SLIT3: variants seen among roughly 807,000 people sequenced by gnomAD.
SLIT3 encodes slit homolog 3 protein.
In SLIT3, 68 loss-of-function variants were observed where a neutral mutation model predicts 184.0. That is an observed-to-expected ratio of 0.37 (90% CI 0.30 to 0.45). SLIT3 has a LOEUF of 0.45. Ranked by LOEUF, SLIT3 falls within the 20% of genes least tolerant of loss-of-function variation. The probability of loss-of-function intolerance (pLI) is 1.00; values close to 1 mark genes in which losing one functional copy is unlikely to be tolerated. For synonymous variants in SLIT3, 831 were observed against 828.6 expected, an observed-to-expected ratio of 1.00 and a Z score of -0.05; for missense variants, 1,707 against 2,026.0, an observed-to-expected ratio of 0.84 and a Z score of 3.02.
At chr5:169,257,161 C>A (rs147970998) in intron 1 of SLIT3, among the ~76,000 whole-genome samples, 5 of 152,152 alleles carry the variant, frequency 3.3e-5, no homozygotes, top group Non-Finnish European at 7.4e-5. Flanking sequence ...ATTCTCATCA[C>A]GATTACAGGA....
At chr5:169,019,144 G>A (rs1274340674) in intron 4 of SLIT3, among the ~76,000 whole-genome samples, 1 of 152,242 alleles carries the variant, frequency 6.6e-6, no homozygotes, top group East Asian at 1.9e-4. Flanking sequence ...ATGGCACTCA[G>A]AATTGGGATC....
chr5:168,678,850 A>G (rs77930656), intron 32 of SLIT3, among the ~76,000 whole-genome samples: 16 of 152,294 alleles, frequency 1.1e-4, no homozygotes, highest in East Asian at 9.6e-4. Flanking sequence ...CCAAGCCCCA[A>G]TGATTAGTCT....
intron 4 of SLIT3, among the ~76,000 whole-genome samples, chr5:169,186,310 G>A (rs1422878851): frequency 1.3e-5 from 2 of 152,200 alleles, no homozygotes; most frequent in Non-Finnish European, 2.9e-5. Context: ...GCACAACCAC[G>A]TGAGGAGGCA....
chr5:169,163,163 A>C (rs1311638421), intron 4 of SLIT3, among the ~76,000 whole-genome samples: 1 of 152,154 alleles, frequency 6.6e-6, no homozygotes, highest in Non-Finnish European at 1.5e-5. Context: ...TCTACTAAAA[A>C]TACAAAAATT....
At chr5:169,118,369 T>C (rs1479779726) in intron 4 of SLIT3, among the ~76,000 whole-genome samples, 1 of 152,238 alleles carries the variant, frequency 6.6e-6, no homozygotes, top group Non-Finnish European at 1.5e-5. Flanking sequence ...TGGTTGGTCA[T>C]CTTCTTGAAC....
intron 20 of SLIT3, among the ~76,000 whole-genome samples, chr5:168,729,947 A>C (rs1763244669): frequency 6.6e-6 from 1 of 152,132 alleles, no homozygotes; most frequent in African/African-American, 2.4e-5. Flanking sequence ...ATAAAGAAAC[A>C]TGATCCAACT....
chr5:168,714,339 T>A (rs1762651219), intron 23 of SLIT3, among the ~76,000 whole-genome samples: 1 of 152,220 alleles, frequency 6.6e-6, no homozygotes, highest in African/African-American at 2.4e-5. Flanking sequence ...TGGAGAGGCA[T>A]GAGGCCTAAC....
At chr5:169,292,535 G>T (rs1767391288) in intron 1 of SLIT3, among the ~76,000 whole-genome samples, 1 of 152,136 alleles carries the variant, frequency 6.6e-6, no homozygotes. Context: ...CAGCCGGAAA[G>T]AACGGGGCAA....
intron 4 of SLIT3, among the ~76,000 whole-genome samples, chr5:168,972,787 G>T (rs970970006): frequency 2.0e-5 from 3 of 152,026 alleles, no homozygotes; most frequent in African/African-American, 7.3e-5. Context: ...CTCACATTGG[G>T]TGTGAGAAGC....
At chr5:169,086,176 G>A (rs961706035) in intron 4 of SLIT3, among the ~76,000 whole-genome samples, 25 of 152,260 alleles carry the variant, frequency 1.6e-4, no homozygotes, top group Admixed American at 9.2e-4. Flanking sequence ...TTTTAAGAGC[G>A]TAGAGGGTTA....
chr5:168,833,853 C>T (rs960443764), intron 6 of SLIT3, among the ~76,000 whole-genome samples: 1 of 152,114 alleles, frequency 6.6e-6, no homozygotes, highest in Non-Finnish European at 1.5e-5. Flanking sequence ...GTGGTGGAAC[C>T]AGCTGACCTC....
intron 4 of SLIT3, among the ~76,000 whole-genome samples, chr5:169,137,307 C>CAT (rs1219816501): frequency 1.6e-3 from 201 of 128,884 alleles, no homozygotes; most frequent in African/African-American, 6.8e-3. Flanking sequence ...TATCTACATA[C>CAT]ACACACACAC....
intron 1 of SLIT3, among the ~76,000 whole-genome samples, chr5:169,291,570 C>T (rs915671306): frequency 6.6e-6 from 1 of 152,194 alleles, no homozygotes; most frequent in Non-Finnish European, 1.5e-5. Context: ...CGCTCCAATA[C>T]AAAGGCCACC....
At chr5:168,688,926 A>G (rs148137253) in intron 29 of SLIT3, among the ~76,000 whole-genome samples, 2 of 152,344 alleles carry the variant, frequency 1.3e-5, no homozygotes, top group East Asian at 1.9e-4. Context: ...ATAAAATCCA[A>G]TATTTTAAGC....
intron 4 of SLIT3, among the ~76,000 whole-genome samples, chr5:168,913,399 C>T (rs76547500): frequency 0.013 from 1,939 of 152,222 alleles, 42 homozygotes; most frequent in African/African-American, 0.045. Context: ...TTAGCTTTTC[C>T]GTAACCCAGC....
intron 4 of SLIT3, among the ~76,000 whole-genome samples, chr5:169,187,567 T>TAA (rs1554105516): frequency 2.0e-5 from 3 of 149,030 alleles, no homozygotes; most frequent in African/African-American, 7.4e-5. Flanking sequence ...TTCTTTTTTT[T>TAA]TTTTTTTGAG....
chr5:168,979,818 T>A (rs1754889892), intron 4 of SLIT3, among the ~76,000 whole-genome samples: 1 of 152,186 alleles, frequency 6.6e-6, no homozygotes, highest in South Asian at 2.1e-4. Context: ...ACATATAGCT[T>A]GCCTGCCCTG....
At position 169,011,571 on chromosome 5, in the gene SLIT3, G is replaced by A. The variant is rs778737646; in HGVS notation, c.414-128235C>T. Among the ~76,000 whole-genome samples the A allele has an allele frequency of 5.8e-4, 89 of 152,272 alleles. 1 individual carries two copies. Among genetic ancestry groups the A allele is most frequent in the Middle Eastern group, 3.4e-3 (1 of 294 alleles). On this transcript the variant is annotated intron_variant, in intron 4 of 35. Transcript: ENST00000519560. ...TATCAGAGGTCCCTTGTAGACCCCC[G>A]AGGAGGAAGGCTGAGGAATGCACTG...
chr5:168,700,728 C>T (rs1376157861), intron 26 of SLIT3, 49 bp from the exon 27 acceptor site: 7 of 1,426,138 alleles, frequency 4.9e-6, no homozygotes, highest in South Asian at 1.2e-5. Context: ...ACTTCTGGGG[C>T]TGCCATGGCC....
Sources: gnomAD v4.1 joint callset for allele counts (sites outside exome capture counted in the v4.1 genomes callset) on GRCh38, gnomAD v4.1.1 for gene constraint, MANE v1.5 for transcripts, NCBI Gene and HGNC (gene_info 2026-07-23, HGNC 2026-07-21) for gene names.